CHST8: variants seen among roughly 807,000 people sequenced by gnomAD.
CHST8 encodes the protein carbohydrate sulfotransferase 8, also known as GALNAC-4-ST1.
Under a neutral mutation model 15.0 loss-of-function variants are expected in CHST8, and 10 were observed. The observed-to-expected ratio is 0.67, with a 90% CI of 0.41 to 1.13. The LOEUF is 1.13. CHST8 is among the 50% of genes most tolerant of loss of function. CHST8 has a pLI of 0.00. For synonymous variants in CHST8, 259 were observed against 256.6 expected, an observed-to-expected ratio of 1.01 and a Z score of -0.09; for missense variants, 634 against 608.2, an observed-to-expected ratio of 1.04 and a Z score of -0.45.
chr19:33,739,266 C>A (rs58630991), intron 3 of CHST8, among the ~76,000 whole-genome samples: 8 of 152,146 alleles, frequency 5.3e-5, no homozygotes, highest in East Asian at 3.9e-4. Context: ...CTCTCTCCCC[C>A]CTCCTCCACA....
At chr19:33,634,010 G>C (rs1972159150) in intron 1 of CHST8, among the ~76,000 whole-genome samples, 1 of 151,828 alleles carries the variant, frequency 6.6e-6, no homozygotes. Flanking sequence ...TGTAGAGACA[G>C]GGTTTCCCCA....
chr19:33,740,883 C>T (rs1410824543), intron 3 of CHST8, among the ~76,000 whole-genome samples: 2 of 152,182 alleles, frequency 1.3e-5, no homozygotes, highest in African/African-American at 4.8e-5. Flanking sequence ...GCCAGAACCT[C>T]ACGGGTTATC....
intron 3 of CHST8, among the ~76,000 whole-genome samples, chr19:33,721,799 T>C (rs182454253): frequency 6.6e-6 from 1 of 150,976 alleles, no homozygotes; most frequent in Admixed American, 6.6e-5. Context: ...AATGGAAGTA[T>C]GTGTGGGCAG....
intron 1 of CHST8, among the ~76,000 whole-genome samples, chr19:33,648,433 G>A (rs952651389): frequency 6.6e-6 from 1 of 152,074 alleles, no homozygotes; most frequent in Non-Finnish European, 1.5e-5. Flanking sequence ...TCTGTTTTCT[G>A]TCTCTATACA....
At chr19:33,671,807 G>A (rs1449419502) in intron 2 of CHST8, among the ~76,000 whole-genome samples, 1 of 151,722 alleles carries the variant, frequency 6.6e-6, no homozygotes, top group Non-Finnish European at 1.5e-5. Context: ...TTCTATGAGG[G>A]CAGGATCTTT....
intron 3 of CHST8, among the ~76,000 whole-genome samples, chr19:33,721,306 T>A (rs1973785133): frequency 6.6e-6 from 1 of 152,188 alleles, no homozygotes; most frequent in South Asian, 2.1e-4. Flanking sequence ...CTTCTCCATC[T>A]TCTGTCCTCT....
At position 33,757,532 on chromosome 19, in the gene CHST8, GAAAGAA is replaced by G. The variant is rs779589217; in HGVS notation, c.131-13879_131-13874del. On this transcript the variant is annotated intron_variant, in intron 3 of 4. Transcript: ENST00000650847. Reference sequence around the variant, plus strand: ...AAAGAAAGAAAGAAAGAGAAAGAAAGAAAGAAAGAAAGAAAGAAAGAAAGAAAGAAA... The same window carrying G: ...AAAGAAAGAAAGAAAGAGAAAGAAAGAGAAAGAAAGAAAGAAAGAAAGAAA... 1.5e-4 allele frequency among the ~76,000 whole-genome samples: 7 copies of G among 46,922 alleles called. 1 individual carries two copies. Among genetic ancestry groups the G allele is most frequent in the South Asian group, 1.4e-3 (2 of 1,446 alleles). 30.8% of individuals were successfully genotyped at this position (46,922 alleles called of 152,430 possible).
chr19:33,673,588 G>A (rs959941668), intron 2 of CHST8, among the ~76,000 whole-genome samples: 24 of 152,232 alleles, frequency 1.6e-4, no homozygotes, highest in South Asian at 8.3e-4. Flanking sequence ...GCCGGAGGAC[G>A]TCTGTGTGTG....
At chr19:33,767,632 G>C (rs1974878447) in intron 3 of CHST8, among the ~76,000 whole-genome samples, 1 of 152,256 alleles carries the variant, frequency 6.6e-6, no homozygotes, top group Admixed American at 6.5e-5. Flanking sequence ...TGTCCAGAAA[G>C]AGAAAGTGCT....
rs145923547 is a variant in CHST8 at position 33,737,953 on chromosome 19, C to A, written c.131-33460C>A. Among the ~76,000 whole-genome samples the A allele has an allele frequency of 6.0e-3, 905 of 151,996 alleles. 3 individuals carry two copies. Among genetic ancestry groups the A allele is most frequent in the Non-Finnish European group, 9.5e-3 (644 of 67,980 alleles). ...TGGTTGCAGTTTTCATTGCAGTTTT[C>A]ATTATAATAAGACCAAAAGAAAAAA... is the stretch of plus-strand genomic sequence containing the variant. On this transcript the variant is annotated intron_variant, in intron 3 of 4. Transcript: ENST00000650847.
At chr19:33,682,646 A>G (rs1455028045) in intron 2 of CHST8, among the ~76,000 whole-genome samples, 2 of 152,220 alleles carry the variant, frequency 1.3e-5, no homozygotes, top group Non-Finnish European at 2.9e-5. Flanking sequence ...AAGTGGAATT[A>G]TACAGTATTT....
At chr19:33,698,049 G>T (rs1456205431) in intron 3 of CHST8, among the ~76,000 whole-genome samples, 1 of 152,126 alleles carries the variant, frequency 6.6e-6, no homozygotes, top group Admixed American at 6.5e-5. Flanking sequence ...AGGCTGAGGC[G>T]GTGGATCACC....
At chr19:33,665,965 C>T (rs1359542471) in intron 1 of CHST8, among the ~76,000 whole-genome samples, 1 of 152,242 alleles carries the variant, frequency 6.6e-6, no homozygotes, top group African/African-American at 2.4e-5. Context: ...GTCTCTGCAG[C>T]TGGAGGCCGA....
rs116512388 is a variant in CHST8 at position 33,678,096 on chromosome 19, A to G, written c.-87+10253A>G. The stretch of plus-strand genomic sequence containing the variant: ...CACTCAGGTGTCAGGAGAGGGAGGA[A>G]GTGTTAGTCTGGACCCACATTTCTG... On this transcript the variant is annotated intron_variant, in intron 2 of 4. Coordinates refer to ENST00000650847, the MANE Select transcript of CHST8 (RefSeq NM_001127895.2). Among the ~76,000 whole-genome samples the G allele has an allele frequency of 8.3e-3, 1,270 of 152,228 alleles. 15 individuals are homozygous for G. The highest frequency in any genetic ancestry group is 0.03 in the African/African-American group (1,232 of 41,548).
intron 3 of CHST8, among the ~76,000 whole-genome samples, chr19:33,754,720 G>A (rs74377431): frequency 0.021 from 3,234 of 152,296 alleles, 55 homozygotes; most frequent in East Asian, 0.028. Flanking sequence ...TCAGAGGCAG[G>A]GGTGACAGCC....
intron 1 of CHST8, among the ~76,000 whole-genome samples, chr19:33,629,849 G>C (rs552512523): frequency 1.2e-3 from 187 of 152,348 alleles, no homozygotes; most frequent in African/African-American, 4.2e-3. Context: ...TCCTTGCCCA[G>C]AGGGCGGCCT....
At chr19:33,649,161 C>T (rs1204308201) in intron 1 of CHST8, among the ~76,000 whole-genome samples, 1 of 152,038 alleles carries the variant, frequency 6.6e-6, no homozygotes, top group African/African-American at 2.4e-5. Flanking sequence ...ACCTCAGCCT[C>T]CCAAAGTGCT....
Position 33,764,606 on chromosome 19 carries a change from A to G in CHST8, c.131-6807A>G, listed in dbSNP as rs577365544. On this transcript the variant is annotated intron_variant, in intron 3 of 4. Coordinates refer to ENST00000650847, the MANE Select transcript of CHST8 (RefSeq NM_001127895.2). ...CCGCCCCACCCTCAAAAAATGCTCA[A>G]TCCCAGCTCCCTGTGCTTGTAAACT... is the stretch of plus-strand genomic sequence containing the variant. 3.3e-5 allele frequency among the ~76,000 whole-genome samples: 5 copies of G among 152,312 alleles called. No individual in the cohort carries two copies. The East Asian group carries it at 7.7e-4, about 24-fold the overall frequency.
intron 1 of CHST8, among the ~76,000 whole-genome samples, chr19:33,663,970 C>T (rs1568319247): frequency 6.6e-6 from 1 of 152,102 alleles, no homozygotes; most frequent in African/African-American, 2.4e-5. Flanking sequence ...AAAAGCAAAC[C>T]GTAGCACAAT....
Sources: gnomAD v4.1 joint callset for allele counts (sites outside exome capture counted in the v4.1 genomes callset) on GRCh38, gnomAD v4.1.1 for gene constraint, MANE v1.5 for transcripts, NCBI Gene and HGNC (gene_info 2026-07-23, HGNC 2026-07-21) for gene names.